B3GALT5: variants seen among roughly 807,000 people sequenced by gnomAD.
The protein encoded by B3GALT5 is beta-1,3-galactosyltransferase 5.
For synonymous variants in B3GALT5, 156 were observed against 158.6 expected, an observed-to-expected ratio of 0.98 and a Z score of 0.12; for missense variants, 328 against 396.6, an observed-to-expected ratio of 0.83 and a Z score of 1.47.
In B3GALT5 at chr21:39,647,743, T is replaced by C. The variant is rs576078780; in HGVS notation, c.-161+1121T>C. Among the ~76,000 whole-genome samples the C allele has an allele frequency of 8.5e-5, 13 of 152,320 alleles. No individual in the cohort carries two copies. The South Asian group carries it at 2.7e-3, about 32-fold the overall frequency. ...GTCAAATTCTTCATGGAGACCTTAC[T>C]CAAGCAGCCTAGAGTCTATGGCTTT... On this transcript the variant is annotated intron_variant, in intron 2 of 3. Coordinates refer to ENST00000684187, the MANE Select transcript of B3GALT5 (RefSeq NM_001356336.2).
intron 1 of B3GALT5, among the ~76,000 whole-genome samples, chr21:39,639,400 T>TTCCCTTTCTTTCTTTCTTTC: frequency 1.7e-5 from 1 of 57,200 alleles, no homozygotes; most frequent in African/African-American, 7.4e-5. Context: ...CCTTCTTTCT[T>TTCCCTTTCTTTCTTTCTTTC]TTTCTTTCTT....
At chr21:39,639,462 TTCTC>T (rs1555926237) in intron 1 of B3GALT5, among the ~76,000 whole-genome samples, 7 of 132,388 alleles carry the variant, frequency 5.3e-5, no homozygotes, top group Admixed American at 1.5e-4. Flanking sequence ...CTTTTTTTCT[TTCTC>T]TCTCTCTCTC....
chr21:39,623,096 T>TTCCCTCCC (rs111496766), intron 1 of B3GALT5, among the ~76,000 whole-genome samples: 4 of 136,416 alleles, frequency 2.9e-5, no homozygotes. Flanking sequence ...CCATCCTTCC[T>TTCCCTCCC]TCCCTCCCTC....
chr21:39,642,010 C>G (rs1006041357), intron 1 of B3GALT5, among the ~76,000 whole-genome samples: 5 of 152,226 alleles, frequency 3.3e-5, no homozygotes, highest in African/African-American at 1.2e-4. Context: ...AGTAAAGAGG[C>G]ACCAGTTCTT....
At chr21:39,623,483 A>G (rs2079148653) in intron 1 of B3GALT5, among the ~76,000 whole-genome samples, 1 of 151,980 alleles carries the variant, frequency 6.6e-6, no homozygotes, top group South Asian at 2.1e-4. Context: ...ACATTCATTA[A>G]TAATTAATAT....
intron 1 of B3GALT5, among the ~76,000 whole-genome samples, chr21:39,642,590 G>C (rs1040017033): frequency 6.6e-6 from 1 of 152,154 alleles, no homozygotes; most frequent in African/African-American, 2.4e-5. Context: ...TGTTTGCTCT[G>C]TCTCTTTCTT....
In B3GALT5 at chr21:39,672,905, G is replaced by A. The variant is rs980172415; in HGVS notation, c.*11413G>A. 3.3e-5 allele frequency: 5 copies of A among 152,180 alleles called. No individual in the cohort carries two copies. Among genetic ancestry groups the A allele is most frequent in the Non-Finnish European group, 7.3e-5 (5 of 68,042 alleles). The allele number at this position is 152,180 out of a possible 1,614,324, so 9.4% of individuals were successfully genotyped here. Reference sequence around the variant, plus strand: ...ATGGGGTGGGGCAGTGTCCATTGAGGTGTCCTGTCGGGAATGACAAGTCCA... The same window carrying A: ...ATGGGGTGGGGCAGTGTCCATTGAGATGTCCTGTCGGGAATGACAAGTCCA... On this transcript the variant is annotated 3_prime_UTR_variant, in exon 4 of 4. Coordinates refer to ENST00000684187, the MANE Select transcript of B3GALT5 (RefSeq NM_001356336.2).
intron 2 of B3GALT5, among the ~76,000 whole-genome samples, chr21:39,655,169 G>T (rs2079430447): frequency 6.6e-6 from 1 of 152,240 alleles, no homozygotes; most frequent in African/African-American, 2.4e-5. Flanking sequence ...AGAGCCAAAA[G>T]CTGGCAAGCT....
At chr21:39,649,661 C>T (rs550307577) in intron 2 of B3GALT5, among the ~76,000 whole-genome samples, 14 of 152,070 alleles carry the variant, frequency 9.2e-5, no homozygotes, top group East Asian at 7.7e-4. Context: ...ACCCCAGGGG[C>T]GAGGGGGATT....
intron 2 of B3GALT5, chr21:39,657,758 C>A: frequency 1.2e-6 from 1 of 839,050 alleles, no homozygotes; most frequent in Non-Finnish European, 1.6e-6. Flanking sequence ...TCTATCTATC[C>A]ATAACCTGTT....
At position 39,660,705 on chromosome 21, in the gene B3GALT5, A is replaced by T. The variant is rs755803218; in HGVS notation, c.146A>T (p.Asp49Val). The T allele has an allele frequency of 1.3e-5, 21 of 1,559,006 alleles. No homozygotes were observed. In the East Asian group the frequency reaches 4.3e-4, roughly 32 times the overall value. The part of the protein sequence containing the change: ...KKDGNFLKLP[D>V]TDCRQTPPFL... Reference sequence around the variant, plus strand: ...GACGGGAACTTCCTTAAGCTCCCAGATACAGACTGCAGGCAGACACCTCCC... The same window carrying T: ...GACGGGAACTTCCTTAAGCTCCCAGTTACAGACTGCAGGCAGACACCTCCC... Residue 49 changes from aspartate (D) to valine (V), a missense_variant, in exon 4 of 4, where the codon GAT becomes GTT. Physicochemically the swap from Asp to Val is radical, Grantham distance 152 (BLOSUM62 -3). Transcript: ENST00000684187.
intron 1 of B3GALT5, among the ~76,000 whole-genome samples, chr21:39,616,525 T>C (rs1261108174): frequency 6.6e-6 from 1 of 152,234 alleles, no homozygotes; most frequent in Admixed American, 6.5e-5. Flanking sequence ...TCCTTTTGTT[T>C]CATTTCCTCC....
intron 1 of B3GALT5, among the ~76,000 whole-genome samples, chr21:39,614,192 G>A (rs1200549562): frequency 6.6e-6 from 1 of 152,110 alleles, no homozygotes; most frequent in Non-Finnish European, 1.5e-5. Flanking sequence ...CTTTAAAACA[G>A]GTGCGTGTAA....
intron 1 of B3GALT5, among the ~76,000 whole-genome samples, chr21:39,641,152 C>T (rs991176479): frequency 2.6e-5 from 4 of 152,118 alleles, no homozygotes; most frequent in Non-Finnish European, 5.9e-5. Flanking sequence ...AGTAGTTTGC[C>T]ATTTGTAAAG....
chr21:39,643,364 G>A (rs1226599255), intron 1 of B3GALT5, among the ~76,000 whole-genome samples: 3 of 150,448 alleles, frequency 2.0e-5, no homozygotes, highest in Non-Finnish European at 2.9e-5. Flanking sequence ...GCTGCAGTGA[G>A]CCAAGATTGC....
rs1226331250 is a variant in B3GALT5 at position 39,671,203 on chromosome 21, C to G, written c.*9711C>G. The G allele has an allele frequency of 6.6e-6, 1 of 152,240 alleles. No homozygotes were observed. The highest frequency in any genetic ancestry group is 1.5e-5 in the Non-Finnish European group (1 of 68,042). 9.4% of individuals were successfully genotyped at this position (152,240 alleles called of 1,614,324 possible). On this transcript the variant is annotated 3_prime_UTR_variant, in exon 4 of 4. Transcript: ENST00000684187. The stretch of plus-strand genomic sequence containing the variant: ...GGTCCCACCTCTCAACGCTGTTGCA[C>G]TGGGGATTAAGTTTCCTTACACATG...
At chr21:39,639,430 T>C (rs1327585282) in intron 1 of B3GALT5, among the ~76,000 whole-genome samples, 5,427 of 118,452 alleles carry the variant, frequency 0.046, 239 homozygotes, top group Non-Finnish European at 0.066. Context: ...CTTTCTTTCT[T>C]TCTTTCTTTC....
chr21:39,625,753 ACT>A (rs2079160423), intron 1 of B3GALT5, among the ~76,000 whole-genome samples: 1 of 151,454 alleles, frequency 6.6e-6, no homozygotes, highest in Non-Finnish European at 1.5e-5. Flanking sequence ...GGTTAGGGAA[ACT>A]CTGCCTCCAC....
At position 39,662,520 on chromosome 21, in the gene B3GALT5, C is replaced by G. The variant is rs2079538689; in HGVS notation, c.*1028C>G. The G allele has an allele frequency of 6.0e-6, 1 of 167,130 alleles. No homozygotes were observed. Among genetic ancestry groups the G allele is most frequent in the South Asian group, 2.1e-4 (1 of 4,828 alleles). 10.4% of individuals were successfully genotyped at this position (167,130 alleles called of 1,614,324 possible). A position where few individuals can be genotyped will look rare whatever the true frequency, so the allele number is the denominator to read the frequency against. ...TCAAGGACCCCTCGGGCTCAGAGCCCTAAAGTGGGCCCTGGTGAAGCAGGG... is the reference window on the plus strand; with the variant it reads ...TCAAGGACCCCTCGGGCTCAGAGCCGTAAAGTGGGCCCTGGTGAAGCAGGG... On this transcript the variant is annotated 3_prime_UTR_variant, in exon 4 of 4. Transcript: ENST00000684187.
Sources: gnomAD v4.1 joint callset for allele counts (sites outside exome capture counted in the v4.1 genomes callset) on GRCh38, gnomAD v4.1.1 for gene constraint, MANE v1.5 for transcripts, NCBI Gene and HGNC (gene_info 2026-07-23, HGNC 2026-07-21) for gene names.